KPNA7: variants seen among roughly 807,000 people sequenced by gnomAD.
KPNA7 encodes the protein importin subunit alpha-8.
Under a neutral mutation model 53.7 loss-of-function variants are expected in KPNA7, and 54 were observed. The observed-to-expected ratio is 1.01, with a 90% CI of 0.81 to 1.26. The LOEUF (loss-of-function observed/expected upper bound fraction) is 1.26, where lower values mean the gene tolerates loss of function less well. Ranked by LOEUF, KPNA7 falls within the 50% of genes most tolerant of loss-of-function variation. KPNA7 has a pLI of 0.00. For missense variants in KPNA7, 640 were observed against 644.5 expected (o/e 0.99, Z 0.07); for synonymous variants, 276 against 259.3 (o/e 1.06, Z -0.62).
At chr7:99,192,412 G>C (rs1790003648) in intron 6 of KPNA7, among the ~76,000 whole-genome samples, 1 of 152,100 alleles carries the variant, frequency 6.6e-6, no homozygotes, top group African/African-American at 2.4e-5. Context: ...CCTAAGCCTT[G>C]CTATTATTAG....
At chr7:99,191,311 C>T (rs924102853) in intron 6 of KPNA7, among the ~76,000 whole-genome samples, 2 of 151,948 alleles carry the variant, frequency 1.3e-5, no homozygotes, top group African/African-American at 2.4e-5. Flanking sequence ...GTGCGTGCCA[C>T]CACACCCAGC....
At chr7:99,212,833 G>A (rs1017276537), upstream of KPNA7, among the ~76,000 whole-genome samples, 9 of 152,124 alleles carry the variant, frequency 5.9e-5, no homozygotes, top group Non-Finnish European at 1.3e-4. Context: ...CAAGGCTGCA[G>A]TGAGCCATGA....
chr7:99,216,932 G>A (rs1791234588), intron 1 of KPNA7, among the ~76,000 whole-genome samples: 1 of 152,126 alleles, frequency 6.6e-6, no homozygotes, highest in East Asian at 1.9e-4. Flanking sequence ...ACGGTATTGA[G>A]TCGCTTCCTC....
chr7:99,195,412 G>C (rs1790179221), intron 4 of KPNA7, 74 bp from the exon 5 acceptor site: 1 of 1,401,136 alleles, frequency 7.1e-7, no homozygotes. Flanking sequence ...TTTTAGGCCA[G>C]GTGCGGTGGC....
At chr7:99,149,321 G>T in the KPNA7 span, among the ~76,000 whole-genome samples, 1 of 152,166 alleles carries the variant, frequency 6.6e-6, no homozygotes, top group Non-Finnish European at 1.5e-5. Flanking sequence ...GTGCTGAAAA[G>T]AGGAAGACTA....
chr7:99,207,596 C>G, intron 1 of KPNA7, 107 bp from the exon 2 acceptor site: 1 of 296,754 alleles, frequency 3.4e-6, no homozygotes, highest in Non-Finnish European at 6.7e-6. Context: ...GAGCAAAGGG[C>G]AGACCCAGGA....
intron 2 of KPNA7, among the ~76,000 whole-genome samples, chr7:99,205,368 C>CACT (rs1554471251): frequency 7.1e-6 from 1 of 141,090 alleles, no homozygotes; most frequent in South Asian, 2.2e-4. Flanking sequence ...GCCAAGATCA[C>CACT]GCCATTGCAC....
At chr7:99,218,970 G>A (rs184341470) in intron 1 of KPNA7, among the ~76,000 whole-genome samples, 3 of 152,352 alleles carry the variant, frequency 2.0e-5, no homozygotes, top group East Asian at 3.9e-4. Context: ...GCCAGGAGCC[G>A]CAGCCTCCAG....
intron 1 of KPNA7, among the ~76,000 whole-genome samples, chr7:99,219,187 G>A (rs980841765): frequency 7.2e-5 from 11 of 152,348 alleles, no homozygotes; most frequent in African/African-American, 2.6e-4. Flanking sequence ...GGGTCTCCCA[G>A]GTGAGTCTCA....
At chr7:99,173,975 CTT>C (rs1211882646) in intron 10 of KPNA7, among the ~76,000 whole-genome samples, 181 bp from the exon 11 acceptor site, 1 of 152,134 alleles carries the variant, frequency 6.6e-6, no homozygotes, top group Admixed American at 6.6e-5. Context: ...ACCTCTAGAA[CTT>C]TTTCATCTTG....
chr7:99,215,170 G>A (rs186560967), intron 1 of KPNA7, among the ~76,000 whole-genome samples: 199 of 151,838 alleles, frequency 1.3e-3, no homozygotes, highest in African/African-American at 4.4e-3. Flanking sequence ...TCAGGAGTTC[G>A]AGACCAGCTT....
chr7:99,191,345 G>A lies in KPNA7; in HGVS notation c.636+1674C>T, dbSNP rs114772884. Among the ~76,000 whole-genome samples the A allele has an allele frequency of 9.5e-3, 1,444 of 151,874 alleles. 16 individuals are homozygous for A. The highest frequency in any genetic ancestry group is 0.033 in the African/African-American group (1,375 of 41,416). On this transcript the variant is annotated intron_variant, in intron 6 of 10. Coordinates refer to ENST00000327442, the MANE Select transcript of KPNA7 (RefSeq NM_001145715.3). ...GCTAATTTTTGTAATTTTAGGAGAC[G>A]GGGTTTCACCGTGTTGGCCAGGATG...
At chr7:99,151,044 A>G in the KPNA7 span, among the ~76,000 whole-genome samples, 1 of 152,208 alleles carries the variant, frequency 6.6e-6, no homozygotes, top group African/African-American at 2.4e-5. Flanking sequence ...AACAAATTAA[A>G]TTAATTTGAG....
rs550377778 is a variant in KPNA7 at position 99,176,444 on chromosome 7, T to A, written c.1464+1476A>T. On this transcript the variant is annotated intron_variant, in intron 10 of 10. Transcript: ENST00000327442. ...AAAATAACAAGTGTCGGCAAGGGTG[T>A]GGAGAAATTGGAATCCTCATGCATT... Among the ~76,000 whole-genome samples, 3 of 152,136 alleles carry A rather than the reference T, an allele frequency of 2.0e-5. No homozygotes were observed. The South Asian group carries it at 6.2e-4, about 32-fold the overall frequency.
At chr7:99,155,109 G>A in the KPNA7 span, among the ~76,000 whole-genome samples, 1 of 152,002 alleles carries the variant, frequency 6.6e-6, no homozygotes, top group African/African-American at 2.4e-5. Context: ...TTATCTGTTG[G>A]CTCTTCATTT....
chr7:99,169,942 G>A (rs1330589292), downstream of KPNA7, among the ~76,000 whole-genome samples: 1 of 152,082 alleles, frequency 6.6e-6, no homozygotes, highest in East Asian at 1.9e-4. Context: ...TTGGGAGGCT[G>A]AGGCAGGAGA....
intron 8 of KPNA7, among the ~76,000 whole-genome samples, chr7:99,184,574 T>C (rs1789479030): frequency 6.6e-6 from 1 of 152,190 alleles, no homozygotes; most frequent in Admixed American, 6.6e-5. Context: ...GATATGTTTT[T>C]CCTCCTAAAA....
chr7:99,188,193 A>AT, intron 7 of KPNA7, 107 bp downstream of exon 7: 1 of 1,046,614 alleles, frequency 9.6e-7, no homozygotes, highest in Non-Finnish European at 1.3e-6. Context: ...AAAAAAAAAA[A>AT]AAAAAGCAAA....
At chr7:99,171,622 A>T (rs935215166), downstream of KPNA7, among the ~76,000 whole-genome samples, 2 of 152,218 alleles carry the variant, frequency 1.3e-5, no homozygotes, top group Admixed American at 1.3e-4. Context: ...TTAGCTGGGC[A>T]TAGTGGCACA....
Sources: gnomAD v4.1 joint callset for allele counts (sites outside exome capture counted in the v4.1 genomes callset) on GRCh38, gnomAD v4.1.1 for gene constraint, MANE v1.5 for transcripts, NCBI Gene and HGNC (gene_info 2026-07-23, HGNC 2026-07-21) for gene names.